MEIG1: variants seen among roughly 807,000 people sequenced by gnomAD.
MEIG1 encodes the protein meiosis expressed gene 1 protein homolog.
MEIG1 carries 12 observed loss-of-function variants against 11.3 expected under a neutral mutation model. The observed-to-expected ratio is 1.07, with a 90% CI of 0.68 to 1.73. The LOEUF is 1.73. Among genes scored for constraint, MEIG1 ranks in the 40% most tolerant of loss-of-function variants. The pLI is 0.00. For synonymous variants in MEIG1, 41 were observed against 33.2 expected, an observed-to-expected ratio of 1.24 and a Z score of -0.81; for missense variants, 119 against 104.9, an observed-to-expected ratio of 1.13 and a Z score of -0.59.
downstream of MEIG1, among the ~76,000 whole-genome samples, chr10:14,973,992 A>G (rs1429987426): frequency 6.6e-6 from 1 of 152,152 alleles, no homozygotes; most frequent in African/African-American, 2.4e-5. Context: ...CAAAGGGAGT[A>G]TACATATGAT....
At chr10:14,980,253 G>A (rs572179838) in intron 1 of MEIG1, among the ~76,000 whole-genome samples, 17 of 152,030 alleles carry the variant, frequency 1.1e-4, no homozygotes, top group African/African-American at 4.1e-4. Flanking sequence ...TATATTATTC[G>A]TAATATCCTA....
chr10:14,977,131 A>G (rs1354853297), downstream of MEIG1, among the ~76,000 whole-genome samples: 1 of 152,012 alleles, frequency 6.6e-6, no homozygotes, highest in Non-Finnish European at 1.5e-5. Flanking sequence ...TGTTACTCCT[A>G]ATGTCACAGG....
At chr10:14,985,396 C>T (rs965681147) in intron 1 of MEIG1, among the ~76,000 whole-genome samples, 1 of 152,004 alleles carries the variant, frequency 6.6e-6, no homozygotes, top group Non-Finnish European at 1.5e-5. Flanking sequence ...CATGTACACC[C>T]TCTGATATGA....
intron 1 of MEIG1, among the ~76,000 whole-genome samples, chr10:14,982,128 T>C (rs571122685): frequency 1.3e-5 from 2 of 152,322 alleles, no homozygotes; most frequent in African/African-American, 4.8e-5. Flanking sequence ...GGAGTATACA[T>C]ATGATAGGCC....
chr10:14,986,214 A>G lies in MEIG1; in HGVS notation n.67-582A>G, dbSNP rs147365134. ...CTGGCGCATGCCTGTAATCCCAGCT[A>G]CTCGGGAGGTGGAGGCAGAAGAATC... On this transcript the variant is annotated intron_variant and non_coding_transcript_variant, in intron 1 of 2. Transcript: ENST00000467536. 3.5e-4 allele frequency among the ~76,000 whole-genome samples: 53 copies of G among 152,270 alleles called. 1 individual carries two copies. Among genetic ancestry groups the G allele is most frequent in the African/African-American group, 1.2e-3 (51 of 41,546 alleles).
intron 1 of MEIG1, among the ~76,000 whole-genome samples, chr10:14,983,052 A>G (rs1843281124): frequency 6.6e-6 from 1 of 152,150 alleles, no homozygotes; most frequent in Admixed American, 6.5e-5. Flanking sequence ...ATTAATATGA[A>G]TATTATGCCT....
At chr10:14,968,250 G>A (rs556701190) in intron 2 of MEIG1, among the ~76,000 whole-genome samples, 2 of 152,258 alleles carry the variant, frequency 1.3e-5, no homozygotes, top group East Asian at 3.9e-4. Context: ...CCCTTTGGGA[G>A]GCCGAGGTAG....
chr10:14,972,513 G>A lies in MEIG1; in HGVS notation c.139G>A (p.Val47Ile), dbSNP rs1843163485. The A allele has an allele frequency of 6.2e-7, 1 of 1,613,864 alleles. No individual in the cohort carries two copies. The highest frequency in any genetic ancestry group is 1.3e-5 in the African/African-American group (1 of 74,902). ...EYRQVKQVSM[V>I]DRWPETGYVK... ...TTGTACTCTGGTTCTTGATGTGCAG[G>A]TAGATCGTTGGCCGGAGACAGGATA... Residue 47 changes from valine to isoleucine, a missense_variant and splice_region_variant, in exon 3 of 3, where the codon GTA (valine) becomes ATA (isoleucine). By Grantham distance (29) the Val-to-Ile change is conservative. Coordinates refer to ENST00000407572, the MANE Select transcript of MEIG1 (RefSeq NM_001080836.3).
chr10:14,983,937 T>C (rs928474129), intron 1 of MEIG1, among the ~76,000 whole-genome samples: 3 of 152,034 alleles, frequency 2.0e-5, no homozygotes, highest in African/African-American at 2.4e-5. Context: ...CCCAGTGATA[T>C]TGTTCCTAAT....
At chr10:14,974,973 T>A (rs1432849761), downstream of MEIG1, among the ~76,000 whole-genome samples, 1 of 152,156 alleles carries the variant, frequency 6.6e-6, no homozygotes, top group Non-Finnish European at 1.5e-5. Context: ...CCTGTGATAT[T>A]GTTCATAATG....
At chr10:14,985,172 A>G (rs1422667602) in intron 1 of MEIG1, among the ~76,000 whole-genome samples, 1 of 151,914 alleles carries the variant, frequency 6.6e-6, no homozygotes, top group East Asian at 1.9e-4. Context: ...AATATTCTAG[A>G]GATATGTTAC....
chr10:14,974,966 G>A (rs528552523), downstream of MEIG1, among the ~76,000 whole-genome samples: 1 of 152,172 alleles, frequency 6.6e-6, no homozygotes, highest in South Asian at 2.1e-4. Flanking sequence ...ACACCCACCT[G>A]TGATATTGTT....
chr10:14,983,331 C>T (rs1215883961), intron 1 of MEIG1, among the ~76,000 whole-genome samples: 3 of 152,018 alleles, frequency 2.0e-5, no homozygotes, highest in Non-Finnish European at 4.4e-5. Context: ...TCTGTGACAT[C>T]GTTCCTAATA....
At chr10:14,975,086 C>T (rs1291146064), downstream of MEIG1, among the ~76,000 whole-genome samples, 1 of 151,964 alleles carries the variant, frequency 6.6e-6, no homozygotes, top group African/African-American at 2.4e-5. Context: ...TGGCGTATGA[C>T]GTTACTCCCA....
At chr10:14,969,148 G>T (rs901774320) in intron 2 of MEIG1, among the ~76,000 whole-genome samples, 3 of 152,182 alleles carry the variant, frequency 2.0e-5, no homozygotes, top group Admixed American at 2.0e-4. Flanking sequence ...AGATACACAA[G>T]CCTCAGACTC....
intron 1 of MEIG1, among the ~76,000 whole-genome samples, chr10:14,982,505 A>G (rs1355764326): frequency 1.3e-5 from 2 of 152,118 alleles, no homozygotes; most frequent in African/African-American, 2.4e-5. Context: ...GAGCAAATCA[A>G]TTAGGGCTTG....
downstream of MEIG1, among the ~76,000 whole-genome samples, chr10:14,973,978 G>T (rs1843180438): frequency 6.6e-6 from 1 of 152,042 alleles, no homozygotes. Context: ...AGGGCTATCG[G>T]GATCAAAGGG....
At position 14,962,541 on chromosome 10, in the gene MEIG1, G is replaced by A. The variant is rs549585389; in HGVS notation, c.-30+2984G>A. ...CTTCTATTAAATGTAGCATTTTTAT[G>A]TATAGTTGCCATAATTTTTTGAGCT... On this transcript the variant is annotated intron_variant, in intron 1 of 2. Coordinates refer to ENST00000407572, the MANE Select transcript of MEIG1 (RefSeq NM_001080836.3). Among the ~76,000 whole-genome samples, 15 of 152,260 alleles carry A rather than the reference G, an allele frequency of 9.9e-5. No homozygotes were observed. In the South Asian group the frequency reaches 1.0e-3, roughly 11 times the overall value.
At chr10:14,971,804 C>G (rs1487874067) in intron 2 of MEIG1, among the ~76,000 whole-genome samples, 1 of 152,110 alleles carries the variant, frequency 6.6e-6, no homozygotes, top group African/African-American at 2.4e-5. Context: ...CTTATCTTGG[C>G]CACAGTATTG....
Sources: allele counts gnomAD v4.1 joint callset (sites outside exome capture counted in the v4.1 genomes callset), GRCh38; gene constraint gnomAD v4.1.1; transcripts MANE v1.5; gene names NCBI Gene and HGNC (gene_info 2026-07-23, HGNC 2026-07-21).